The following LRRC28 variants were observed in gnomAD, a reference collection of about 807,000 sequenced individuals.
LRRC28 encodes leucine rich repeat containing 28.
Under a neutral mutation model 45.7 loss-of-function variants are expected in LRRC28, and 39 were observed. The observed-to-expected ratio is 0.85, with a 90% CI of 0.66 to 1.12. LRRC28 has a LOEUF of 1.12. Among genes scored for constraint, LRRC28 ranks in the 50% most tolerant of loss-of-function variants. LRRC28 has a pLI of 0.00. For synonymous variants in LRRC28, 206 were observed against 178.8 expected (o/e 1.15, Z -1.22); for missense variants, 435 against 438.5 (o/e 0.99, Z 0.07).
At chr15:99,292,837 T>G (rs1289975373) in intron 5 of LRRC28, among the ~76,000 whole-genome samples, 1 of 152,258 alleles carries the variant, frequency 6.6e-6, no homozygotes, top group East Asian at 1.9e-4. Flanking sequence ...TTTGAAAATG[T>G]GCTTCTCACT....
chr15:99,258,716 G>A, intron 2 of LRRC28: 1 of 708,012 alleles, frequency 1.4e-6, no homozygotes, highest in Non-Finnish European at 2.7e-6. Flanking sequence ...GGAAAGTGAT[G>A]ACCCTGTGGC....
At chr15:99,303,717 C>A (rs559580582) in intron 5 of LRRC28, among the ~76,000 whole-genome samples, 1 of 152,076 alleles carries the variant, frequency 6.6e-6, no homozygotes, top group Admixed American at 6.5e-5. Flanking sequence ...GCCTGTAATC[C>A]CAGCTACTCA....
intron 9 of LRRC28, among the ~76,000 whole-genome samples, chr15:99,373,567 A>C (rs142421623): frequency 6.6e-6 from 1 of 152,190 alleles, no homozygotes; most frequent in Non-Finnish European, 1.5e-5. Flanking sequence ...AAAATGCACA[A>C]TTACTGACTG....
At chr15:99,271,281 A>G (rs2081470928) in intron 2 of LRRC28, among the ~76,000 whole-genome samples, 1 of 136,252 alleles carries the variant, frequency 7.3e-6, no homozygotes, top group Admixed American at 7.8e-5. Flanking sequence ...CATCCAGTGT[A>G]TCTATTTTTT....
Position 99,291,673 on chromosome 15 carries a change from C to T in LRRC28, c.385+3722C>T, listed in dbSNP as rs564353756. ...TTCTCTTAAAAGACTTAACATTTTACCATGTTTCTTTGTTGTCATTGAAAA... is the reference window on the plus strand; with the variant it reads ...TTCTCTTAAAAGACTTAACATTTTATCATGTTTCTTTGTTGTCATTGAAAA... On this transcript the variant is annotated intron_variant, in intron 5 of 9. Coordinates refer to ENST00000301981, the MANE Select transcript of LRRC28 (RefSeq NM_144598.5). Among the ~76,000 whole-genome samples the T allele has an allele frequency of 2.6e-5, 4 of 152,238 alleles. No homozygotes were observed. The South Asian group carries it at 6.2e-4, about 24-fold the overall frequency.
chr15:99,326,276 T>C (rs1597351662), intron 5 of LRRC28, among the ~76,000 whole-genome samples: 1 of 152,168 alleles, frequency 6.6e-6, no homozygotes, highest in Admixed American at 6.5e-5. Context: ...ACCTGGAAAA[T>C]TATCTTCAGA....
intron 5 of LRRC28, among the ~76,000 whole-genome samples, chr15:99,308,108 A>C (rs1225626752): frequency 6.6e-6 from 1 of 152,180 alleles, no homozygotes; most frequent in African/African-American, 2.4e-5. Flanking sequence ...GTTGGATTTT[A>C]GTTTATTTAG....
chr15:99,274,669 A>C (rs997835645), intron 2 of LRRC28, among the ~76,000 whole-genome samples: 9 of 152,238 alleles, frequency 5.9e-5, no homozygotes, highest in African/African-American at 2.2e-4. Flanking sequence ...AAAATAGTCA[A>C]CTTTCTAGTA....
In LRRC28 at chr15:99,386,873, TTTG is replaced by T. The variant is rs1382683644; in HGVS notation, c.*772_*774del. 5.9e-5 allele frequency: 9 copies of T among 152,342 alleles called. No homozygotes were observed. Among genetic ancestry groups the T allele is most frequent in the African/African-American group, 2.2e-4 (9 of 41,576 alleles). The allele number at this position is 152,342 out of a possible 1,614,324, so 9.4% of individuals were successfully genotyped here. ...TTATATGAGAAGAATTTGAGGAATA[TTTG>T]AAGCTTTACAAGATCTGATTTTTTT... On this transcript the variant is annotated 3_prime_UTR_variant, in exon 10 of 10. Coordinates refer to ENST00000301981, the MANE Select transcript of LRRC28 (RefSeq NM_144598.5).
intron 3 of LRRC28, among the ~76,000 whole-genome samples, chr15:99,284,161 C>A (rs535589953): frequency 6.6e-6 from 1 of 152,174 alleles, no homozygotes; most frequent in African/African-American, 2.4e-5. Flanking sequence ...GGTTCTTAAT[C>A]GGTTGTACAT....
intron 5 of LRRC28, 61 bp downstream of exon 5, chr15:99,288,012 C>G: frequency 2.1e-6 from 3 of 1,454,714 alleles, no homozygotes; most frequent in Non-Finnish European, 2.8e-6. Flanking sequence ...ATTCATATTT[C>G]TCACTCTATG....
intron 6 of LRRC28, among the ~76,000 whole-genome samples, chr15:99,336,573 ATCTC>A (rs879091004): frequency 2.6e-5 from 4 of 152,080 alleles, no homozygotes; most frequent in Admixed American, 6.5e-5. Context: ...GCCTCATTCA[ATCTC>A]TCTCTCTATT....
chr15:99,251,739 C>T (rs1260388915), intron 1 of LRRC28, 198 bp downstream of exon 1: 1 of 152,232 alleles, frequency 6.6e-6, no homozygotes, highest in African/African-American at 2.4e-5. Context: ...CCCTGGGACC[C>T]GAGAACCCTG....
chr15:99,336,548 T>C (rs187769048), intron 6 of LRRC28, among the ~76,000 whole-genome samples: 65 of 152,310 alleles, frequency 4.3e-4, no homozygotes, highest in Admixed American at 3.7e-3. Flanking sequence ...GATACTCCTA[T>C]TGACACTCTC....
In LRRC28 at chr15:99,293,593, C is replaced by CAAAAAAA. The variant is rs57442636; in HGVS notation, c.385+5676_385+5682dup. On this transcript the variant is annotated intron_variant, in intron 5 of 9. Transcript: ENST00000301981. ...GGGCAACAAGAACGAAACTCTGTCACAAAAAAAAAAAAAAAAAAAAAAAAA... is the reference window on the plus strand; with the variant it reads ...GGGCAACAAGAACGAAACTCTGTCACAAAAAAAAAAAAAAAAAAAAAAAAAAAAAAAA... Among the ~76,000 whole-genome samples, 263 of 44,080 alleles carry CAAAAAAA rather than the reference C, an allele frequency of 6.0e-3. 51 individuals are homozygous for CAAAAAAA. Among genetic ancestry groups the CAAAAAAA allele is most frequent in the East Asian group, 0.01 (14 of 1,354 alleles). 28.9% of individuals were successfully genotyped at this position (44,080 alleles called of 152,430 possible). A position where few individuals can be genotyped will look rare whatever the true frequency, so the allele number is the denominator to read the frequency against.
intron 5 of LRRC28, among the ~76,000 whole-genome samples, chr15:99,288,371 CTTTTTTTTTTTTTTTTTT>C (rs67593137): frequency 1.2e-5 from 1 of 82,894 alleles, no homozygotes; most frequent in African/African-American, 5.6e-5. Context: ...TGTACATTAA[CTTTTTTTTTTTTTTTTTT>C]TTTTTTTTTT....
chr15:99,365,292 G>A (rs890707923), intron 9 of LRRC28, among the ~76,000 whole-genome samples: 3 of 152,222 alleles, frequency 2.0e-5, no homozygotes, highest in Non-Finnish European at 2.9e-5. Flanking sequence ...TTCATAAAAT[G>A]AGTATATCAA....
In LRRC28 at chr15:99,364,843, T is replaced by C. The variant is rs1022030413; in HGVS notation, c.1031+1578T>C. Reference sequence around the variant, plus strand: ...AATGTTAACTATTATTATCTATTTTTGTAGTTTAGAGATTTTTTATTTCTT... The same window carrying C: ...AATGTTAACTATTATTATCTATTTTCGTAGTTTAGAGATTTTTTATTTCTT... On this transcript the variant is annotated intron_variant, in intron 9 of 9. Transcript: ENST00000301981. Among the ~76,000 whole-genome samples, 8 of 152,372 alleles carry C rather than the reference T, an allele frequency of 5.3e-5. No individual in the cohort carries two copies. In the South Asian group the frequency reaches 8.3e-4, roughly 16 times the overall value.
chr15:99,288,697 T>C (rs565386247), intron 5 of LRRC28, among the ~76,000 whole-genome samples: 2 of 152,056 alleles, frequency 1.3e-5, no homozygotes, highest in South Asian at 4.2e-4. Context: ...TTTTTCTGTT[T>C]TTAACAGAGT....
Sources: gnomAD v4.1 joint callset for allele counts (sites outside exome capture counted in the v4.1 genomes callset) on GRCh38, gnomAD v4.1.1 for gene constraint, MANE v1.5 for transcripts, NCBI Gene and HGNC (gene_info 2026-07-23, HGNC 2026-07-21) for gene names.